Variants in ZMAT4 observed in about 807,000 individuals in gnomAD.
The protein encoded by ZMAT4 is zinc finger matrin-type 4.
In ZMAT4, 17 loss-of-function variants were observed where a neutral mutation model predicts 28.7. The observed-to-expected ratio is 0.59, with a 90% CI of 0.41 to 0.89. The LOEUF (loss-of-function observed/expected upper bound fraction) is 0.89, where lower values mean the gene tolerates loss of function less well. Ranked by LOEUF, ZMAT4 falls within the 40% of genes least tolerant of loss-of-function variation. The pLI is 0.00. For missense variants in ZMAT4, 240 were observed against 283.8 expected (o/e 0.85, Z 1.11); for synonymous variants, 117 against 109.2 (o/e 1.07, Z -0.44).
chr8:40,839,018 T>C (rs759281969), intron 1 of ZMAT4, among the ~76,000 whole-genome samples: 3 of 152,198 alleles, frequency 2.0e-5, no homozygotes, highest in Non-Finnish European at 4.4e-5. Flanking sequence ...TATCCAAATG[T>C]ACCCTGTACA....
intron 5 of ZMAT4, among the ~76,000 whole-genome samples, chr8:40,602,458 T>C (rs1016928366): frequency 5.9e-5 from 9 of 152,192 alleles, no homozygotes; most frequent in African/African-American, 1.9e-4. Flanking sequence ...TGTTGCTCCA[T>C]AATGGTTGTA....
At chr8:40,741,446 CAA>C (rs34475226) in intron 3 of ZMAT4, among the ~76,000 whole-genome samples, 48 of 118,364 alleles carry the variant, frequency 4.1e-4, no homozygotes, top group Non-Finnish European at 4.3e-4. Context: ...AAGTCTGTCT[CAA>C]AAAAAAAAAA....
chr8:40,642,055 G>GTC (rs1156790987), intron 5 of ZMAT4, among the ~76,000 whole-genome samples: 1 of 152,026 alleles, frequency 6.6e-6, no homozygotes, highest in Admixed American at 6.5e-5. Context: ...AAGTTGGCAG[G>GTC]TCATTAAGGT....
At chr8:40,860,219 G>C (rs1000956) in intron 1 of ZMAT4, among the ~76,000 whole-genome samples, 3,320 of 152,162 alleles carry the variant, frequency 0.022, 92 homozygotes, top group Admixed American at 0.085. Flanking sequence ...AATGATGATG[G>C]TTCTCATGGC....
chr8:40,885,352 C>A (rs1403624761), intron 1 of ZMAT4, among the ~76,000 whole-genome samples: 1 of 152,126 alleles, frequency 6.6e-6, no homozygotes, highest in Non-Finnish European at 1.5e-5. Flanking sequence ...AAAGTACATC[C>A]AGGATCTGCC....
At chr8:40,827,658 C>T (rs1049018959) in intron 1 of ZMAT4, among the ~76,000 whole-genome samples, 1 of 152,312 alleles carries the variant, frequency 6.6e-6, no homozygotes, top group Admixed American at 6.5e-5. Flanking sequence ...TCAATGCCCC[C>T]AGCAAGCAAT....
intron 5 of ZMAT4, 136 bp downstream of exon 5, chr8:40,674,568 T>A: frequency 1.5e-6 from 1 of 663,582 alleles, no homozygotes; most frequent in South Asian, 2.0e-5. Context: ...TTTCCTTTCT[T>A]GTCCATTTCT....
intron 5 of ZMAT4, among the ~76,000 whole-genome samples, chr8:40,674,080 C>CTTTT (rs59753899): frequency 8.4e-5 from 9 of 107,262 alleles, no homozygotes; most frequent in South Asian, 3.6e-4. Flanking sequence ...TTTTTATCAT[C>CTTTT]TTTTTTTTTT....
In ZMAT4 at chr8:40,822,036, T is replaced by C. The variant is rs561630762; in HGVS notation, c.102+3539A>G. Among the ~76,000 whole-genome samples, 308 of 152,342 alleles carry C rather than the reference T, an allele frequency of 2.0e-3. 1 individual carries two copies. The highest frequency in any genetic ancestry group is 7.1e-3 in the African/African-American group (297 of 41,580). On this transcript the variant is annotated intron_variant, in intron 2 of 6. Coordinates refer to ENST00000297737, the MANE Select transcript of ZMAT4 (RefSeq NM_024645.3). ...TCTTTTAAAGTGTAATATGCAAATA[T>C]CTACGAAGTTAACAGCACGATGTAA...
chr8:40,849,183 G>A (rs775597612), intron 1 of ZMAT4, among the ~76,000 whole-genome samples: 25 of 152,358 alleles, frequency 1.6e-4, no homozygotes, highest in Non-Finnish European at 2.4e-4. Flanking sequence ...GCCAAGGGGC[G>A]TGGGAGGAAT....
At chr8:40,834,497 A>G (rs1816406060) in intron 1 of ZMAT4, among the ~76,000 whole-genome samples, 1 of 152,110 alleles carries the variant, frequency 6.6e-6, no homozygotes. Context: ...TGGACATACA[A>G]CATCACTTGG....
intron 2 of ZMAT4, among the ~76,000 whole-genome samples, chr8:40,804,675 CT>C (rs1276292979): frequency 6.6e-6 from 1 of 151,930 alleles, no homozygotes; most frequent in Non-Finnish European, 1.5e-5. Flanking sequence ...CCAGGTCTCT[CT>C]GCTAAAAATA....
At chr8:40,839,533 T>G (rs558086278) in intron 1 of ZMAT4, among the ~76,000 whole-genome samples, 47 of 152,360 alleles carry the variant, frequency 3.1e-4, no homozygotes, top group South Asian at 1.2e-3. Flanking sequence ...TGTATGTTTA[T>G]TACAGCACTA....
chr8:40,614,267 C>A (rs887191672), intron 5 of ZMAT4, among the ~76,000 whole-genome samples: 10 of 152,176 alleles, frequency 6.6e-5, no homozygotes, highest in Non-Finnish European at 1.3e-4. Context: ...GGATTGAATG[C>A]AACGTTAAAT....
At chr8:40,643,916 G>A (rs1232347811) in intron 5 of ZMAT4, among the ~76,000 whole-genome samples, 1 of 151,966 alleles carries the variant, frequency 6.6e-6, no homozygotes, top group African/African-American at 2.4e-5. Context: ...AAGAGGTGAA[G>A]CTGGAGAGGA....
intron 2 of ZMAT4, among the ~76,000 whole-genome samples, chr8:40,820,388 G>A (rs1319312599): frequency 7.3e-6 from 1 of 136,408 alleles, no homozygotes; most frequent in Non-Finnish European, 1.6e-5. Context: ...GTGTGTAGAG[G>A]TGTTTGTGTG....
intron 5 of ZMAT4, among the ~76,000 whole-genome samples, chr8:40,643,505 A>G (rs1433478688): frequency 6.6e-6 from 1 of 152,204 alleles, no homozygotes; most frequent in African/African-American, 2.4e-5. Context: ...GCGCATATCA[A>G]GTGACAGATA....
Position 40,611,310 on chromosome 8 carries a change from G to A in ZMAT4, c.578-30049C>T, listed in dbSNP as rs916483546. On this transcript the variant is annotated intron_variant, in intron 5 of 6. Coordinates refer to ENST00000297737, the MANE Select transcript of ZMAT4 (RefSeq NM_024645.3). ...TGTCATCATTAATTGTTTCTGCCTG[G>A]AACTTTTACATATTATCTGTAGAAT... is the stretch of plus-strand genomic sequence containing the variant. Among the ~76,000 whole-genome samples, 12 of 151,906 alleles carry A rather than the reference G, an allele frequency of 7.9e-5. No individual in the cohort carries two copies. In the East Asian group the frequency reaches 1.4e-3, roughly 17 times the overall value.
intron 5 of ZMAT4, among the ~76,000 whole-genome samples, chr8:40,647,063 G>A (rs1159210989): frequency 6.6e-6 from 1 of 152,186 alleles, no homozygotes; most frequent in Non-Finnish European, 1.5e-5. Context: ...GAGAGTCTGG[G>A]GGGAGGAGCC....
Sources: allele counts gnomAD v4.1 joint callset (sites outside exome capture counted in the v4.1 genomes callset), GRCh38; gene constraint gnomAD v4.1.1; transcripts MANE v1.5; gene names NCBI Gene and HGNC (gene_info 2026-07-23, HGNC 2026-07-21).